Variants in CRTC1 observed in about 807,000 individuals in gnomAD.
CRTC1 encodes CREB regulated transcription coactivator 1, also known as CREB-regulated transcription coactivator 1.
Under a neutral mutation model 66.1 loss-of-function variants are expected in CRTC1, and 18 were observed. The ratio of observed to expected loss-of-function variants is 0.27; its 90% CI spans 0.19 to 0.40. The LOEUF is 0.40. Among genes scored for constraint, CRTC1 ranks in the 10% least tolerant of loss-of-function variants. The probability of loss-of-function intolerance (pLI) is 1.00; values close to 1 mark genes in which losing one functional copy is unlikely to be tolerated. For missense variants in CRTC1, 669 were observed against 887.9 expected, an observed-to-expected ratio of 0.75 and a Z score of 3.13; for synonymous variants, 416 against 398.8, an observed-to-expected ratio of 1.04 and a Z score of -0.51.
At chr19:18,720,725 C>T (rs1304752226) in intron 1 of CRTC1, among the ~76,000 whole-genome samples, 5 of 152,148 alleles carry the variant, frequency 3.3e-5, no homozygotes, top group Admixed American at 6.5e-5. Context: ...TGATCTCGAA[C>T]TCCTGACCTC....
At chr19:18,685,007 G>C (rs893836955) in intron 1 of CRTC1, among the ~76,000 whole-genome samples, 7 of 152,166 alleles carry the variant, frequency 4.6e-5, no homozygotes, top group Admixed American at 3.3e-4. Context: ...TGCATCCTGG[G>C]GCCTTGGGGA....
Position 18,746,483 on chromosome 19 carries a change from CCT to C in CRTC1, c.381+525_381+526del, listed in dbSNP as rs1338082145. ...ACGCAGAGATCAGCCAGAGTCCCCC[CCT>C]CCCCCCCAACTCAGCCGCCCCTTGG... is the stretch of plus-strand genomic sequence containing the variant. On this transcript the variant is annotated intron_variant, in intron 3 of 13. Transcript: ENST00000321949. 2.4e-4 allele frequency among the ~76,000 whole-genome samples: 36 copies of C among 150,894 alleles called. 1 individual carries two copies. Among genetic ancestry groups the C allele is most frequent in the Middle Eastern group, 3.4e-3 (1 of 290 alleles).
At chr19:18,747,815 C>T (rs916196304) in intron 4 of CRTC1, among the ~76,000 whole-genome samples, 6 of 152,140 alleles carry the variant, frequency 3.9e-5, no homozygotes, top group Admixed American at 2.6e-4. Context: ...CAGTGGCTCA[C>T]GCCTGTAATC....
At chr19:18,693,741 A>G (rs1398448333) in intron 1 of CRTC1, among the ~76,000 whole-genome samples, 2 of 151,058 alleles carry the variant, frequency 1.3e-5, no homozygotes, top group East Asian at 4.1e-4. Flanking sequence ...TGGCCTCCCA[A>G]AGTGCTGGGA....
intron 1 of CRTC1, among the ~76,000 whole-genome samples, chr19:18,699,626 C>G (rs1469536552): frequency 6.6e-6 from 1 of 152,158 alleles, no homozygotes; most frequent in Non-Finnish European, 1.5e-5. Context: ...AGCTGGAGAC[C>G]CTGCCCTAGG....
intron 1 of CRTC1, among the ~76,000 whole-genome samples, chr19:18,715,893 C>G (rs2053495955): frequency 6.6e-6 from 1 of 152,236 alleles, no homozygotes; most frequent in Admixed American, 6.5e-5. Context: ...GCCCACGCTC[C>G]TTCCTGCCAC....
At chr19:18,761,800 G>A (rs1321876125) in intron 8 of CRTC1, among the ~76,000 whole-genome samples, 2 of 152,120 alleles carry the variant, frequency 1.3e-5, no homozygotes, top group East Asian at 1.9e-4. Flanking sequence ...GGAGGGTGGC[G>A]TGAATGTTCC....
chr19:18,778,788 C>T lies in CRTC1; in HGVS notation c.*1406C>T, dbSNP rs2055048020. 4.3e-6 allele frequency: 1 copy of T among 231,434 alleles called. No individual in the cohort carries two copies. 14.3% of individuals were successfully genotyped at this position (231,434 alleles called of 1,614,324 possible). ...GGGTCCCCGAGACGAGGACCACGGT[C>T]CTCCCTGAGAACCTGGGTGGAACTG... On this transcript the variant is annotated 3_prime_UTR_variant, in exon 14 of 14. Coordinates refer to ENST00000321949, the MANE Select transcript of CRTC1 (RefSeq NM_015321.3).
chr19:18,744,734 G>A (rs533916966), intron 2 of CRTC1, among the ~76,000 whole-genome samples: 7 of 152,048 alleles, frequency 4.6e-5, no homozygotes. Flanking sequence ...ACAGGCCCAC[G>A]TCTCCCATGC....
Position 18,768,827 on chromosome 19 carries a change from TG to T in CRTC1, c.1320+39del. ...AGGGTGGGGTCCCTCGGGGCCTGAC[TG>T]GGGGTCTTGTAGAGGACAGCCCGGG... On this transcript the variant is annotated intron_variant, in intron 10 of 13. Coordinates refer to ENST00000321949, the MANE Select transcript of CRTC1 (RefSeq NM_015321.3). The surrounding 1 kb of genome is among the most constrained non-coding windows in gnomAD (Gnocchi z 5.6). 4 of 1,564,736 alleles carry T rather than the reference TG, an allele frequency of 2.6e-6. No individual in the cohort carries two copies. The highest frequency in any genetic ancestry group is 2.6e-6 in the Non-Finnish European group (3 of 1,156,024).
intron 1 of CRTC1, among the ~76,000 whole-genome samples, chr19:18,702,862 A>C (rs1370559172): frequency 6.6e-6 from 1 of 152,070 alleles, no homozygotes; most frequent in South Asian, 2.1e-4. Context: ...AGTGCAGGGA[A>C]TACCCATAAC....
At chr19:18,734,594 G>T (rs955704171) in intron 1 of CRTC1, among the ~76,000 whole-genome samples, 3 of 152,076 alleles carry the variant, frequency 2.0e-5, no homozygotes, top group African/African-American at 7.2e-5. Flanking sequence ...TGAGATGGGA[G>T]GATTGTTTGA....
chr19:18,708,485 C>T (rs1379063464), intron 1 of CRTC1, among the ~76,000 whole-genome samples: 1 of 152,166 alleles, frequency 6.6e-6, no homozygotes, highest in Non-Finnish European at 1.5e-5. Flanking sequence ...CACTGTCTGC[C>T]AGGGCCAGGT....
At chr19:18,689,909 G>A (rs943789265) in intron 1 of CRTC1, among the ~76,000 whole-genome samples, 6 of 151,964 alleles carry the variant, frequency 3.9e-5, no homozygotes, top group Admixed American at 2.0e-4. Flanking sequence ...TGAGGACGTC[G>A]TGTGTCTCAG....
chr19:18,775,034 C>T (rs1456767894), intron 12 of CRTC1, 48 bp downstream of exon 12: 3 of 1,557,932 alleles, frequency 1.9e-6, no homozygotes, highest in African/African-American at 1.4e-5. Flanking sequence ...AGGACAGATG[C>T]TTGCTGGGAC....
intron 3 of CRTC1, 100 bp from the exon 4 acceptor site, chr19:18,746,953 C>A: frequency 8.8e-7 from 1 of 1,140,542 alleles, no homozygotes; most frequent in Admixed American, 1.7e-5. Flanking sequence ...GGCCTCAGGC[C>A]GACCCCAGCC....
chr19:18,731,818 G>T (rs1032693279), intron 1 of CRTC1, among the ~76,000 whole-genome samples: 2 of 152,304 alleles, frequency 1.3e-5, no homozygotes, highest in East Asian at 1.9e-4. Context: ...CCCGGGGGGT[G>T]GGGGGAAGGC....
rs959313948 is a variant in CRTC1, at chr19:18,779,277, G to C, written c.*1895G>C. ...CTAGCAACCATCCCTTCCTCTCTTT[G>C]CCCGGCAATGCCTTTGGCATGTGTC... On this transcript the variant is annotated 3_prime_UTR_variant, in exon 14 of 14. Transcript: ENST00000321949. The C allele has an allele frequency of 1.8e-5, 4 of 227,762 alleles. No homozygotes were observed. The highest frequency in any genetic ancestry group is 3.5e-5 in the Non-Finnish European group (4 of 114,814). 14.1% of individuals were successfully genotyped at this position (227,762 alleles called of 1,614,324 possible).
intron 4 of CRTC1, 53 bp from the exon 5 acceptor site, chr19:18,749,728 C>A: frequency 6.9e-7 from 1 of 1,446,938 alleles, no homozygotes. Context: ...TCAGGACTAT[C>A]GCATTGTCTG....
Sources: allele counts gnomAD v4.1 joint callset (sites outside exome capture counted in the v4.1 genomes callset), GRCh38; gene constraint gnomAD v4.1.1; non-coding constraint Gnocchi (gnomAD v3.1); transcripts MANE v1.5; gene names NCBI Gene and HGNC (gene_info 2026-07-23, HGNC 2026-07-21).